BMPR2: variants seen among roughly 807,000 people sequenced by gnomAD.
The protein encoded by BMPR2 is bone morphogenetic protein receptor type 2.
In BMPR2, 29 loss-of-function variants were observed where a neutral mutation model predicts 100.8. That is an observed-to-expected ratio of 0.29 (90% CI 0.21 to 0.39). The LOEUF is 0.39. BMPR2 is among the 10% of genes least tolerant of loss of function. The pLI is 1.00. For synonymous variants in BMPR2, 382 were observed against 442.3 expected, an observed-to-expected ratio of 0.86 and a Z score of 1.71; for missense variants, 1,011 against 1,274.5, an observed-to-expected ratio of 0.79 and a Z score of 3.15.
chr2:202,417,111 C>T (rs1278724358), intron 1 of BMPR2, among the ~76,000 whole-genome samples: 1 of 152,072 alleles, frequency 6.6e-6, no homozygotes, highest in South Asian at 2.1e-4. Flanking sequence ...GCTGGGATTA[C>T]AGGCGTGAGC....
intron 3 of BMPR2, among the ~76,000 whole-genome samples, chr2:202,502,110 T>A (rs944189401): frequency 3.3e-5 from 5 of 152,224 alleles, no homozygotes; most frequent in African/African-American, 4.8e-5. Context: ...GGAAAAAGAA[T>A]AAATGTGTAT....
Position 202,438,724 on chromosome 2 carries a change from T to C in BMPR2, c.77-26085T>C, listed in dbSNP as rs1186323645. The stretch of plus-strand genomic sequence containing the variant: ...ATCATTTATTGAAAAGGGCAATTTT[T>C]TCCCCATTGAATTGTCTTGGCACCC... On this transcript the variant is annotated intron_variant, in intron 1 of 12. Transcript: ENST00000374580. Among the ~76,000 whole-genome samples the C allele has an allele frequency of 1.3e-5, 2 of 150,690 alleles. 1 individual carries two copies. Among genetic ancestry groups the C allele is most frequent in the African/African-American group, 5.0e-5 (2 of 40,010 alleles).
rs928450872 is a variant in BMPR2, at chr2:202,503,564, G to A, written c.419-10155G>A. On this transcript the variant is annotated intron_variant, in intron 3 of 12. Transcript: ENST00000374580. The surrounding 1 kb of genome is among the most constrained non-coding windows in gnomAD (Gnocchi z 4.0). Reference sequence around the variant, plus strand: ...GGTCCCCCAGCAGTGCCAGCCCACCGGCGCTGCTCTCAGTTTCTCACTGGG... The same window carrying A: ...GGTCCCCCAGCAGTGCCAGCCCACCAGCGCTGCTCTCAGTTTCTCACTGGG... Among the ~76,000 whole-genome samples, 4 of 152,246 alleles carry A rather than the reference G, an allele frequency of 2.6e-5. No individual in the cohort carries two copies. The highest frequency in any genetic ancestry group is 5.9e-5 in the Non-Finnish European group (4 of 68,050).
chr2:202,465,847 C>T (rs974064078), intron 2 of BMPR2, among the ~76,000 whole-genome samples: 1 of 151,242 alleles, frequency 6.6e-6, no homozygotes, highest in African/African-American at 2.4e-5. Flanking sequence ...AGCGAGACTC[C>T]GTCTCAAAAA....
intron 1 of BMPR2, among the ~76,000 whole-genome samples, chr2:202,450,104 C>T (rs549725276): frequency 2.0e-4 from 30 of 152,128 alleles, no homozygotes; most frequent in East Asian, 1.7e-3. Flanking sequence ...AGCGAGACTC[C>T]GTCTCAAAAA....
At chr2:202,449,644 A>T (rs1691938094) in intron 1 of BMPR2, among the ~76,000 whole-genome samples, 1 of 152,168 alleles carries the variant, frequency 6.6e-6, no homozygotes, top group East Asian at 1.9e-4. Context: ...TTGGTTAAAC[A>T]ACATTTCACA....
At chr2:202,418,477 G>A (rs1262128671) in intron 1 of BMPR2, among the ~76,000 whole-genome samples, 1 of 152,148 alleles carries the variant, frequency 6.6e-6, no homozygotes, top group Non-Finnish European at 1.5e-5. Flanking sequence ...GTGACCAAGG[G>A]CCCATGACAC....
intron 1 of BMPR2, among the ~76,000 whole-genome samples, chr2:202,462,302 T>C (rs1322439933): frequency 1.3e-5 from 2 of 150,600 alleles, no homozygotes; most frequent in African/African-American, 2.4e-5. Flanking sequence ...TGGTCTCAGC[T>C]CACTGCCTCC....
chr2:202,422,518 G>A (rs531924880), intron 1 of BMPR2, among the ~76,000 whole-genome samples: 2 of 152,062 alleles, frequency 1.3e-5, no homozygotes, highest in East Asian at 3.9e-4. Context: ...GTGTTAGCCA[G>A]GATGGTCTCG....
At chr2:202,433,577 G>T (rs982069048) in intron 1 of BMPR2, among the ~76,000 whole-genome samples, 1 of 150,716 alleles carries the variant, frequency 6.6e-6, no homozygotes, top group African/African-American at 2.5e-5. Context: ...ATGCCCCAAA[G>T]AAATCAGCAG....
At chr2:202,436,409 G>A (rs1269038925) in intron 1 of BMPR2, among the ~76,000 whole-genome samples, 1 of 149,786 alleles carries the variant, frequency 6.7e-6, no homozygotes, top group East Asian at 1.9e-4. Context: ...TTGTGCTACC[G>A]CACTCCAGCC....
chr2:202,394,727 T>C (rs1383741193), intron 1 of BMPR2, among the ~76,000 whole-genome samples: 1 of 152,156 alleles, frequency 6.6e-6, no homozygotes, highest in Admixed American at 6.6e-5. Flanking sequence ...CTGATTCTTA[T>C]ATCAGCTTTC....
rs143703243 is a variant in BMPR2 at position 202,388,972 on chromosome 2, C to T, written c.76+11422C>T. The stretch of plus-strand genomic sequence containing the variant: ...AAAGTGTGGGCTGGGTGCAGTGGCT[C>T]GCGCCTGTAATCTTTGGGAGGCTGA... On this transcript the variant is annotated intron_variant, in intron 1 of 12. Transcript: ENST00000374580. Among the ~76,000 whole-genome samples, 3 of 151,846 alleles carry T rather than the reference C, an allele frequency of 2.0e-5. No individual in the cohort carries two copies. In the South Asian group the frequency reaches 6.2e-4, roughly 32 times the overall value.
intron 1 of BMPR2, among the ~76,000 whole-genome samples, chr2:202,435,315 G>C (rs1691591920): frequency 7.0e-6 from 1 of 143,736 alleles, no homozygotes; most frequent in South Asian, 2.2e-4. Context: ...AGTGAGCTGA[G>C]ATCATGCCAC....
intron 3 of BMPR2, among the ~76,000 whole-genome samples, chr2:202,497,059 C>T (rs756263702): frequency 2.6e-5 from 4 of 152,228 alleles, no homozygotes; most frequent in Admixed American, 2.0e-4. Flanking sequence ...CCCGGGCCAG[C>T]GGCTGCGGGG....
At chr2:202,492,727 A>G (rs901876623) in intron 3 of BMPR2, among the ~76,000 whole-genome samples, 1 of 150,188 alleles carries the variant, frequency 6.7e-6, no homozygotes, top group Admixed American at 6.6e-5. Flanking sequence ...AAAAAAACCA[A>G]AAAAAAAAAC....
chr2:202,534,931 G>T (rs1444885840), intron 9 of BMPR2, among the ~76,000 whole-genome samples: 13 of 129,002 alleles, frequency 1.0e-4, no homozygotes, highest in South Asian at 4.9e-4. Context: ...CCCGGACGGG[G>T]CGGCTGGCCG....
At chr2:202,457,542 T>TA (rs1692138582) in intron 1 of BMPR2, among the ~76,000 whole-genome samples, 2 of 134,054 alleles carry the variant, frequency 1.5e-5, no homozygotes, top group Non-Finnish European at 3.2e-5. Context: ...TAGCAATATT[T>TA]TATATATATA....
At chr2:202,533,609 G>A (rs772639614) in intron 9 of BMPR2, among the ~76,000 whole-genome samples, 3 of 152,160 alleles carry the variant, frequency 2.0e-5, no homozygotes, top group African/African-American at 4.8e-5. Context: ...CGGATCATGA[G>A]GTCAGAAGTT....
Sources: allele counts gnomAD v4.1 joint callset (sites outside exome capture counted in the v4.1 genomes callset), GRCh38; gene constraint gnomAD v4.1.1; non-coding constraint Gnocchi (gnomAD v3.1); transcripts MANE v1.5; gene names NCBI Gene and HGNC (gene_info 2026-07-23, HGNC 2026-07-21).